Variants in TPTE2 observed in about 807,000 individuals in gnomAD.
TPTE2 encodes transmembrane phosphoinositide 3-phosphatase and tensin homolog 2, also known as phosphatidylinositol 3,4,5-trisphosphate 3-phosphatase TPTE2.
TPTE2 carries 53 observed loss-of-function variants against 78.6 expected under a neutral mutation model. The ratio of observed to expected loss-of-function variants is 0.67; its 90% confidence interval spans 0.54 to 0.85. The LOEUF (loss-of-function observed/expected upper bound fraction) is 0.85, where lower values mean the gene tolerates loss of function less well. Ranked by LOEUF, TPTE2 falls within the 40% of genes least tolerant of loss-of-function variation. TPTE2 has a pLI of 0.00. For missense variants in TPTE2, 461 were observed against 623.0 expected, an observed-to-expected ratio of 0.74 and a Z score of 2.77; for synonymous variants, 175 against 206.2, an observed-to-expected ratio of 0.85 and a Z score of 1.30.
intron 6 of TPTE2, among the ~76,000 whole-genome samples, chr13:19,469,489 A>G (rs1393877909): frequency 1.3e-5 from 2 of 152,124 alleles, no homozygotes; most frequent in Non-Finnish European, 2.9e-5. Flanking sequence ...TTTGCTTAGA[A>G]TAGTTTTGGC....
chr13:19,506,319 C>A (rs1294990086), upstream of TPTE2, among the ~76,000 whole-genome samples: 1 of 149,982 alleles, frequency 6.7e-6, no homozygotes, highest in African/African-American at 2.4e-5. Flanking sequence ...CTACAGGCGC[C>A]CGCCACTACG....
chr13:19,462,103 T>TA (rs1566050314), intron 10 of TPTE2, among the ~76,000 whole-genome samples: 1 of 151,594 alleles, frequency 6.6e-6, no homozygotes, highest in Non-Finnish European at 1.5e-5. Context: ...CTTCACCTAT[T>TA]TTTTTTTAAT....
intron 11 of TPTE2, 101 bp downstream of exon 14, chr13:19,451,064 A>G (rs1356533699): frequency 7.0e-7 from 1 of 1,421,988 alleles, no homozygotes; most frequent in Non-Finnish European, 9.6e-7. Flanking sequence ...GCCACTACCA[A>G]ATACTTATGA....
rs1875714550 is a variant in TPTE2 at position 19,423,017 on chromosome 13, G to T, written c.*45C>A. 1.6e-5 allele frequency: 25 copies of T among 1,602,052 alleles called. No individual in the cohort carries two copies. In the East Asian group the frequency reaches 4.9e-4, roughly 32 times the overall value. On this transcript the variant is annotated 3_prime_UTR_variant, in exon 20 of 20. Coordinates refer to ENST00000400230, the Ensembl canonical transcript of TPTE2. Reference sequence around the variant, plus strand: ...ACATAATTCTTTCCCAGAAGGGGAAGGGGGAGCTATACTTAGTCGGATCCA... The same window carrying T: ...ACATAATTCTTTCCCAGAAGGGGAATGGGGAGCTATACTTAGTCGGATCCA...
chr13:19,470,035 A>G (rs374809650), intron 6 of TPTE2, among the ~76,000 whole-genome samples: 1 of 152,048 alleles, frequency 6.6e-6, no homozygotes, highest in South Asian at 2.1e-4. Flanking sequence ...CTCTTCTATA[A>G]TGGCTCTAGC....
chr13:19,506,194 C>T (rs1297246767), upstream of TPTE2, among the ~76,000 whole-genome samples: 67 of 2,626 alleles, frequency 0.026, no homozygotes, highest in Admixed American at 0.029. Flanking sequence ...TTTTTTGAGA[C>T]GGAGTCTCGC....
At chr13:19,439,324 T>C (rs1396052154) in intron 13 of TPTE2, among the ~76,000 whole-genome samples, 2 of 151,902 alleles carry the variant, frequency 1.3e-5, no homozygotes, top group Non-Finnish European at 2.9e-5. Flanking sequence ...TAAAACCTGC[T>C]GGCAGAAGTG....
chr13:19,493,312 G>C lies in TPTE2; in HGVS notation c.65+136C>G, dbSNP rs1881114501. The C allele has an allele frequency of 4.4e-6, 3 of 681,286 alleles. No homozygotes were observed. In the African/African-American group the frequency reaches 5.4e-5, roughly 12 times the overall value. 42.2% of individuals were successfully genotyped at this position (681,286 alleles called of 1,614,324 possible). ...TTAGTTTGTGTACGCGTGTTGAAGA[G>C]AAGTGTGGATGGATGGATGGATGGA... On this transcript the variant is annotated intron_variant, in intron 2 of 19. Coordinates refer to ENST00000400230, the Ensembl canonical transcript of TPTE2.
At chr13:19,506,328 C>G (rs898319302), upstream of TPTE2, among the ~76,000 whole-genome samples, 2 of 150,430 alleles carry the variant, frequency 1.3e-5, no homozygotes, top group South Asian at 2.1e-4. Context: ...CCCGCCACTA[C>G]GCCCGGCTAA....
At chr13:19,502,415 T>C (rs1014989552) in intron 1 of TPTE2, among the ~76,000 whole-genome samples, 9 of 151,578 alleles carry the variant, frequency 5.9e-5, no homozygotes, top group East Asian at 1.9e-4. Context: ...CCAACAGTGA[T>C]AGACTGGATT....
chr13:19,561,427 A>C, the TPTE2 span, among the ~76,000 whole-genome samples: 54 of 151,994 alleles, frequency 3.6e-4, no homozygotes, highest in Admixed American at 9.2e-4. Flanking sequence ...CCCCAACCTA[A>C]GCACACCTTT....
chr13:19,531,431 T>G (rs1363593107), intron 1 of TPTE2, among the ~76,000 whole-genome samples: 8 of 152,080 alleles, frequency 5.3e-5, no homozygotes, highest in Non-Finnish European at 1.2e-4. Context: ...CTTTTTTTTT[T>G]GGCAGCCACA....
At chr13:19,430,777 A>G (rs1876523997) in intron 16 of TPTE2, among the ~76,000 whole-genome samples, 2 of 152,214 alleles carry the variant, frequency 1.3e-5, no homozygotes, top group Admixed American at 6.5e-5. Context: ...AAGAATACAT[A>G]TAGTTCAGCT....
intron 10 of TPTE2, among the ~76,000 whole-genome samples, chr13:19,460,356 CT>C (rs1444599846): frequency 6.6e-6 from 1 of 152,210 alleles, no homozygotes; most frequent in Admixed American, 6.5e-5. Flanking sequence ...CCTCTGCCTG[CT>C]TGTCTTCATT....
At chr13:19,547,860 G>A in the TPTE2 span, among the ~76,000 whole-genome samples, 4 of 150,600 alleles carry the variant, frequency 2.7e-5, no homozygotes, top group Non-Finnish European at 5.9e-5. Flanking sequence ...TATCGACAAC[G>A]GTTATTTCAG....
chr13:19,518,827 T>C (rs1422770772), intron 1 of TPTE2, among the ~76,000 whole-genome samples: 1 of 152,122 alleles, frequency 6.6e-6, no homozygotes, highest in Non-Finnish European at 1.5e-5. Context: ...TGTCCAAGAA[T>C]AGAGGTCACA....
chr13:19,427,059 C>CTTTTTT (rs56254843), intron 17 of TPTE2, among the ~76,000 whole-genome samples: 3 of 124,418 alleles, frequency 2.4e-5, no homozygotes, highest in Non-Finnish European at 4.7e-5. Context: ...AACCACTTTT[C>CTTTTTT]TTTTTTTTTC....
chr13:19,483,023 T>C (rs947272911), intron 3 of TPTE2, among the ~76,000 whole-genome samples: 1 of 152,228 alleles, frequency 6.6e-6, no homozygotes, highest in Non-Finnish European at 1.5e-5. Flanking sequence ...AATGGCATTA[T>C]GTTCAAAAAA....
chr13:19,437,055 A>ACACACACACC (rs1341801224), intron 14 of TPTE2, among the ~76,000 whole-genome samples: 1 of 151,568 alleles, frequency 6.6e-6, no homozygotes, highest in Non-Finnish European at 1.5e-5. Flanking sequence ...ACACACACAC[A>ACACACACACC]CACACACACA....
Sources: allele counts gnomAD v4.1 joint callset (sites outside exome capture counted in the v4.1 genomes callset), GRCh38; gene constraint gnomAD v4.1.1; transcripts MANE v1.5; gene names NCBI Gene and HGNC (gene_info 2026-07-23, HGNC 2026-07-21).